CPNE4: variants seen among roughly 807,000 people sequenced by gnomAD.
The protein encoded by CPNE4 is copine-4.
Under a neutral mutation model 67.9 loss-of-function variants are expected in CPNE4, and 25 were observed. That is an observed-to-expected ratio of 0.37 (90% CI 0.27 to 0.51). The LOEUF is 0.51. Ranked by LOEUF, CPNE4 falls within the 20% of genes least tolerant of loss-of-function variation. CPNE4 has a pLI of 0.93. For missense variants in CPNE4, 464 were observed against 690.8 expected, an observed-to-expected ratio of 0.67 and a Z score of 3.68; for synonymous variants, 242 against 244.9, an observed-to-expected ratio of 0.99 and a Z score of 0.11.
intron 8 of CPNE4, 120 bp downstream of exon 8, chr3:131,587,364 C>T (rs1938251614): frequency 5.8e-6 from 4 of 688,862 alleles, no homozygotes; most frequent in Non-Finnish European, 1.1e-5. Context: ...CTACCATGCT[C>T]CCTTCTTATC....
rs150190372 is a variant in CPNE4, at chr3:131,727,319, G to T, written c.181-3694C>A. Among the ~76,000 whole-genome samples, 957 of 152,152 alleles carry T rather than the reference G, an allele frequency of 6.3e-3. 11 individuals carry two copies. Among genetic ancestry groups the T allele is most frequent in the African/African-American group, 0.022 (900 of 41,506 alleles). The stretch of plus-strand genomic sequence containing the variant: ...TTAAAAATATCTAAAACACGGCCAG[G>T]CGCAGTGGCTCAAGCCTGTAATCCC... On this transcript the variant is annotated intron_variant, in intron 2 of 15. Transcript: ENST00000429747.
chr3:131,777,813 T>G (rs1414027226), intron 2 of CPNE4, among the ~76,000 whole-genome samples: 2 of 152,086 alleles, frequency 1.3e-5, no homozygotes, highest in Non-Finnish European at 2.9e-5. Flanking sequence ...CAGCACCTAT[T>G]CTTGGATGTG....
intron 1 of CPNE4, among the ~76,000 whole-genome samples, chr3:131,976,678 A>G (rs2072663794): frequency 6.6e-6 from 1 of 152,226 alleles, no homozygotes; most frequent in Non-Finnish European, 1.5e-5. Context: ...ACCTGATTGT[A>G]TAACGACTGG....
At chr3:131,884,627 C>T (rs763530524) in intron 2 of CPNE4, among the ~76,000 whole-genome samples, 2 of 152,136 alleles carry the variant, frequency 1.3e-5, no homozygotes, top group Non-Finnish European at 2.9e-5. Flanking sequence ...CAAATCTCAT[C>T]TTGAATGGTA....
intron 9 of CPNE4, among the ~76,000 whole-genome samples, chr3:131,578,038 TAC>T (rs926945767): frequency 2.4e-4 from 36 of 152,020 alleles, no homozygotes; most frequent in African/African-American, 8.2e-4. Context: ...GGTGTGTGTA[TAC>T]ACACACACAC....
intron 7 of CPNE4, among the ~76,000 whole-genome samples, chr3:131,609,971 A>G (rs77880654): frequency 0.018 from 2,737 of 152,238 alleles, 38 homozygotes; most frequent in Non-Finnish European, 0.029. Flanking sequence ...CAAGATTTTC[A>G]TGCTCAGAAT....
chr3:132,008,889 T>C (rs2073674263), intron 1 of CPNE4, among the ~76,000 whole-genome samples: 1 of 152,226 alleles, frequency 6.6e-6, no homozygotes, highest in South Asian at 2.1e-4. Flanking sequence ...TAGAAAAATA[T>C]GCCAGTGATC....
intron 2 of CPNE4, among the ~76,000 whole-genome samples, chr3:131,837,141 G>A (rs914009982): frequency 6.6e-6 from 1 of 152,078 alleles, no homozygotes; most frequent in African/African-American, 2.4e-5. Flanking sequence ...ATGTAAAATG[G>A]TACCACCAGT....
Position 131,790,417 on chromosome 3 carries a change from C to A in CPNE4, c.181-66792G>T, listed in dbSNP as rs568700261. On this transcript the variant is annotated intron_variant, in intron 2 of 15. Coordinates refer to ENST00000429747, the MANE Select transcript of CPNE4 (RefSeq NM_130808.3). The stretch of plus-strand genomic sequence containing the variant: ...CCAATTGGGACCTGTCTGGATACCC[C>A]CTACCCCAAAATTGCTCATTTTGTT... Among the ~76,000 whole-genome samples, 31 of 152,098 alleles carry A rather than the reference C, an allele frequency of 2.0e-4. 1 individual carries two copies. The highest frequency in any genetic ancestry group is 2.0e-3 in the Admixed American group (31 of 15,262).
At chr3:131,781,779 T>C (rs997183931) in intron 2 of CPNE4, among the ~76,000 whole-genome samples, 9 of 152,084 alleles carry the variant, frequency 5.9e-5, no homozygotes, top group Admixed American at 3.3e-4. Flanking sequence ...TTCAGCCCTG[T>C]CAGATACTAA....
intron 2 of CPNE4, among the ~76,000 whole-genome samples, chr3:131,781,493 T>A (rs2083431402): frequency 6.6e-6 from 1 of 152,136 alleles, no homozygotes; most frequent in South Asian, 2.1e-4. Flanking sequence ...TGAAGGCCAT[T>A]CAGAATCTCA....
At chr3:131,575,000 C>T (rs1937515043) in intron 10 of CPNE4, 71 bp downstream of exon 10, 1 of 1,345,976 alleles carries the variant, frequency 7.4e-7, no homozygotes, top group African/African-American at 1.4e-5. Context: ...CTTTATCCCC[C>T]AAACCCAGTG....
chr3:131,975,686 T>C (rs2072630837), intron 1 of CPNE4, among the ~76,000 whole-genome samples: 1 of 152,216 alleles, frequency 6.6e-6, no homozygotes, highest in African/African-American at 2.4e-5. Context: ...TTGTACCAGT[T>C]GCTATCCTAA....
chr3:132,021,239 T>C (rs2073989372), intron 1 of CPNE4, among the ~76,000 whole-genome samples: 2 of 152,204 alleles, frequency 1.3e-5, no homozygotes, highest in East Asian at 1.9e-4. Context: ...AATGGGTAAA[T>C]GGAACCCACA....
At chr3:131,978,504 T>TTTTATA (rs2072807582) in intron 1 of CPNE4, among the ~76,000 whole-genome samples, 1 of 70,384 alleles carries the variant, frequency 1.4e-5, no homozygotes, top group African/African-American at 6.7e-5. Flanking sequence ...ATTTATATAT[T>TTTTATA]TATATATATT....
chr3:131,818,979 A>C (rs2107963573), intron 2 of CPNE4, among the ~76,000 whole-genome samples: 1 of 152,264 alleles, frequency 6.6e-6, no homozygotes, highest in Admixed American at 6.5e-5. Flanking sequence ...GGGCACCTGT[A>C]AACTCAGCTA....
rs1304524186 is a variant in CPNE4 at position 131,564,304 on chromosome 3, A to C, written c.973T>G (p.Cys325Gly). ...TASNGDPRNSCSLHYIHPYQP... is the reference protein window; with the variant it reads ...TASNGDPRNSGSLHYIHPYQP... The stretch of plus-strand genomic sequence containing the variant: ...TAAGGGTGGATGTAGTGCAAGGAAC[A>C]GCTGTTCCTGGGGTCCCCGTTTGAG... Residue 325 changes from cysteine to glycine, a missense_variant, in exon 11 of 16, where the codon TGT becomes GGT. Physicochemically the swap from Cys to Gly is radical, Grantham distance 159. This residue lies in a region of CPNE4 where 201 missense variants were observed against 357.7 expected (regional missense o/e 0.56). Coordinates refer to ENST00000429747, the MANE Select transcript of CPNE4 (RefSeq NM_130808.3). 3 of 1,612,808 alleles carry C rather than the reference A, an allele frequency of 1.9e-6. No homozygotes were observed. Among genetic ancestry groups the C allele is most frequent in the Non-Finnish European group, 2.5e-6 (3 of 1,179,284 alleles).
At chr3:131,695,239 G>A (rs114660660) in intron 5 of CPNE4, among the ~76,000 whole-genome samples, 1,950 of 152,252 alleles carry the variant, frequency 0.013, 39 homozygotes, top group African/African-American at 0.043. Context: ...CCAGCACTGG[G>A]GCATTCAGGC....
intron 3 of CPNE4, among the ~76,000 whole-genome samples, chr3:131,719,103 T>C (rs2081815983): frequency 6.6e-6 from 1 of 152,150 alleles, no homozygotes; most frequent in Non-Finnish European, 1.5e-5. Context: ...TCAAAGTGGA[T>C]CAGTACAGTT....
Sources: gnomAD v4.1 joint callset for allele counts (sites outside exome capture counted in the v4.1 genomes callset) on GRCh38, gnomAD v4.1.1 for gene constraint, gnomAD v4.1.1 regional missense constraint, MANE v1.5 for transcripts, NCBI Gene and HGNC (gene_info 2026-07-23, HGNC 2026-07-21) for gene names.